Variants in PCNT observed in about 807,000 individuals in gnomAD.
PCNT encodes kendrin.
In PCNT, 319 loss-of-function variants were observed where a neutral mutation model predicts 380.4. That is an observed-to-expected ratio of 0.84 (90% CI 0.77 to 0.92). PCNT has a LOEUF of 0.92. Among genes scored for constraint, PCNT ranks in the 40% least tolerant of loss-of-function variants. The probability of loss-of-function intolerance (pLI) is 0.00; values close to 1 mark genes in which losing one functional copy is unlikely to be tolerated. For synonymous variants in PCNT, 1,845 were observed against 1,735.2 expected (o/e 1.06, Z -1.57); for missense variants, 4,400 against 4,255.3 (o/e 1.03, Z -0.95).
rs575569540 is a variant in PCNT at position 46,344,005 on chromosome 21, C to A, written c.640-2123C>A. Among the ~76,000 whole-genome samples, 8 of 151,370 alleles carry A rather than the reference C, an allele frequency of 5.3e-5. No individual in the cohort carries two copies. In the South Asian group the frequency reaches 1.7e-3, roughly 32 times the overall value. ...CCAATTGAGCTTATTTGGATCTTCT[C>A]TCTTCCTTTCCTGGTTAATCTCACT... On this transcript the variant is annotated intron_variant, in intron 3 of 46. Transcript: ENST00000359568.
chr21:46,442,310 C>T (rs1336578689), intron 43 of PCNT, among the ~76,000 whole-genome samples, 187 bp from the exon 44 acceptor site: 4 of 152,032 alleles, frequency 2.6e-5, no homozygotes, highest in African/African-American at 7.3e-5. Context: ...GGCAGCCCTG[C>T]GAGCACTTTG....
chr21:46,378,294 C>T (rs1232918372), intron 15 of PCNT, among the ~76,000 whole-genome samples: 1 of 152,162 alleles, frequency 6.6e-6, no homozygotes, highest in Non-Finnish European at 1.5e-5. Context: ...CCTGTGGTGT[C>T]TCTGGCATAT....
intron 16 of PCNT, among the ~76,000 whole-genome samples, chr21:46,384,915 C>T (rs537881643): frequency 7.2e-5 from 11 of 152,236 alleles, no homozygotes; most frequent in Non-Finnish European, 1.2e-4. Context: ...TGGTGTTGTG[C>T]GTAGTTCAGT....
intron 4 of PCNT, 88 bp downstream of exon 4, chr21:46,346,296 G>A: frequency 1.5e-6 from 1 of 651,860 alleles, no homozygotes; most frequent in Non-Finnish European, 2.8e-6. Context: ...GGTGGGGTGG[G>A]CGCTGCCATC....
Position 46,389,388 on chromosome 21 carries a change from C to T in PCNT, c.3797C>T (p.Ala1266Val), listed in dbSNP as rs1426227022. The T allele has an allele frequency of 1.9e-6, 3 of 1,614,046 alleles. No homozygotes were observed. The highest frequency in any genetic ancestry group is 2.5e-6 in the Non-Finnish European group (3 of 1,179,984). ...AGGGTCTTCCAGAGCCTCAGCCTGG[C>T]CGTGGACGGCCTCATGGAGATGGCC... Reference protein sequence around the residue: ...IRRVFQSLSLAVDGLMEMALD... With the variant: ...IRRVFQSLSLVVDGLMEMALD... Residue 1266 changes from alanine (A) to valine (V), a missense_variant, in exon 19 of 47, where the codon GCC becomes GTC. Ala to Val is a moderately conservative substitution (Grantham distance 64). Transcript: ENST00000359568.
intron 3 of PCNT, among the ~76,000 whole-genome samples, chr21:46,338,659 C>G (rs867918133): frequency 8.1e-5 from 12 of 148,118 alleles, no homozygotes; most frequent in South Asian, 4.2e-4. Flanking sequence ...GTCGCCCAGG[C>G]TGGAGCGGTG....
At chr21:46,360,908 T>C (rs2084691746) in intron 13 of PCNT, among the ~76,000 whole-genome samples, 1 of 152,142 alleles carries the variant, frequency 6.6e-6, no homozygotes, top group African/African-American at 2.4e-5. Flanking sequence ...ACTGGTGTGG[T>C]TGATTTAGGT....
chr21:46,444,549 A>C (rs1365431016), intron 45 of PCNT, 145 bp from the exon 46 acceptor site: 6 of 768,056 alleles, frequency 7.8e-6, no homozygotes, highest in Non-Finnish European at 1.3e-5. Context: ...ATCTGAAGGA[A>C]ACGGCCCCAG....
At chr21:46,369,343 G>A (rs1261260651) in intron 15 of PCNT, among the ~76,000 whole-genome samples, 1 of 152,234 alleles carries the variant, frequency 6.6e-6, no homozygotes, top group Non-Finnish European at 1.5e-5. Context: ...CAGGTAGTTG[G>A]AATTACAGGC....
chr21:46,370,802 A>G (rs554086057), intron 15 of PCNT, among the ~76,000 whole-genome samples: 19 of 152,252 alleles, frequency 1.2e-4, no homozygotes, highest in South Asian at 6.2e-4. Flanking sequence ...TTGGGAGGCT[A>G]AGGCGGGCAG....
chr21:46,432,240 G>A (rs760455307), intron 38 of PCNT, 25 bp downstream of exon 38: 72 of 1,585,642 alleles, frequency 4.5e-5, no homozygotes, highest in Non-Finnish European at 5.8e-5. Flanking sequence ...CCGGCGGAGC[G>A]TCCACACCTA....
chr21:46,426,605 G>T (rs957939737), intron 33 of PCNT, among the ~76,000 whole-genome samples: 19 of 152,074 alleles, frequency 1.2e-4, no homozygotes, highest in African/African-American at 4.6e-4. Context: ...CGGGTGACTT[G>T]CCCTCCGGCC....
intron 25 of PCNT, among the ~76,000 whole-genome samples, chr21:46,400,895 G>A (rs554252931): frequency 1.3e-5 from 2 of 152,246 alleles, no homozygotes; most frequent in Admixed American, 6.5e-5. Context: ...ACGTGTTTCC[G>A]TTCCGCTGTC....
At chr21:46,335,313 T>C (rs1340988508) in intron 3 of PCNT, among the ~76,000 whole-genome samples, 1 of 152,200 alleles carries the variant, frequency 6.6e-6, no homozygotes, top group Non-Finnish European at 1.5e-5. Flanking sequence ...TTGAGTTGAT[T>C]ACCTTTATTT....
chr21:46,442,373 C>T (rs765253961), intron 43 of PCNT, 124 bp from the exon 44 acceptor site: 67 of 711,356 alleles, frequency 9.4e-5, no homozygotes, highest in South Asian at 3.1e-4. Flanking sequence ...CCGACCTTGG[C>T]GTCCTGGTCC....
intron 15 of PCNT, among the ~76,000 whole-genome samples, chr21:46,376,756 G>A (rs1287461998): frequency 2.0e-5 from 3 of 152,214 alleles, no homozygotes; most frequent in Non-Finnish European, 2.9e-5. Flanking sequence ...CCCAGGAGAC[G>A]CACTGCTGAT....
Position 46,355,618 on chromosome 21 carries a change from A to G in PCNT, c.1928A>G (p.His643Arg), listed in dbSNP as rs1487584507. 6.2e-7 allele frequency: 1 copy of G among 1,613,184 alleles called. No homozygotes were observed. Among genetic ancestry groups the G allele is most frequent in the African/African-American group, 1.3e-5 (1 of 74,872 alleles). The change falls in exon 12 of 47, where the codon CAC becomes CGC. Residue 643 changes from histidine (H) to arginine (R), a missense_variant. By Grantham distance (29) the His-to-Arg change is conservative. Coordinates refer to ENST00000359568, the MANE Select transcript of PCNT (RefSeq NM_006031.6). ...HEWRLEPSEG[H>R]SQELPWVHLQ... is the part of the protein sequence containing the mutation. ...TGGCGTCTGGAACCCTCTGAAGGGC[A>G]CAGCCAAGGTGGGCCCCTCCCGCCT...
chr21:46,433,779 AT>A (rs949824840), intron 38 of PCNT, among the ~76,000 whole-genome samples: 3 of 150,062 alleles, frequency 2.0e-5, no homozygotes, highest in Non-Finnish European at 1.5e-5. Context: ...TTATTTATTA[AT>A]TTTTTTTTTG....
intron 28 of PCNT, 59 bp from the exon 29 acceptor site, chr21:46,412,778 G>A: frequency 1.3e-6 from 2 of 1,588,332 alleles, no homozygotes; most frequent in Non-Finnish European, 1.7e-6. Flanking sequence ...GGCCACCTGA[G>A]GGGCAGCCCC....
Sources: allele counts gnomAD v4.1 joint callset (sites outside exome capture counted in the v4.1 genomes callset), GRCh38; gene constraint gnomAD v4.1.1; transcripts MANE v1.5; gene names NCBI Gene and HGNC (gene_info 2026-07-23, HGNC 2026-07-21).